Variants in ZNF444 observed in about 807,000 individuals in gnomAD.
ZNF444 encodes zinc finger protein 444.
Under a neutral mutation model 14.4 loss-of-function variants are expected in ZNF444, and 8 were observed. The ratio of observed to expected loss-of-function variants is 0.56; its 90% confidence interval spans 0.33 to 1.00. The LOEUF (loss-of-function observed/expected upper bound fraction) is 1.00, where lower values mean the gene tolerates loss of function less well. Among genes scored for constraint, ZNF444 ranks in the 50% least tolerant of loss-of-function variants. The pLI, the probability that ZNF444 is intolerant of heterozygous loss-of-function variation, is 0.03. For missense variants in ZNF444, 510 were observed against 504.8 expected (o/e 1.01, Z -0.10); for synonymous variants, 258 against 235.9 (o/e 1.09, Z -0.86).
rs560951997 is a variant in ZNF444, at chr19:56,144,464, C to G, written c.-196-1783C>G. On this transcript the variant is annotated intron_variant, in intron 1 of 4. Coordinates refer to ENST00000337080, the MANE Select transcript of ZNF444 (RefSeq NM_018337.4). This position sits in a 1 kb window ranked among gnomAD's most constrained non-coding sequence, Gnocchi z 4.0. The stretch of plus-strand genomic sequence containing the variant: ...CATCACAGGAAGCAGTTGGAGGGCA[C>G]TGAGCAAGGAAGTGACAGGGATTTA... Among the ~76,000 whole-genome samples the G allele has an allele frequency of 6.6e-6, 1 of 152,066 alleles. No individual in the cohort carries two copies. The highest frequency in any genetic ancestry group is 1.5e-5 in the Non-Finnish European group (1 of 68,020).
chr19:56,141,231 T>A (rs2030772307), upstream of ZNF444: 1 of 133,168 alleles, frequency 7.5e-6, no homozygotes, highest in Non-Finnish European at 1.6e-5. Flanking sequence ...CGGCTCGGAG[T>A]ATGGGATTGG....
chr19:56,158,864 C>T (rs1197807830), intron 4 of ZNF444, among the ~76,000 whole-genome samples: 1 of 151,922 alleles, frequency 6.6e-6, no homozygotes, highest in Non-Finnish European at 1.5e-5. Context: ...ATCATATACC[C>T]ACCCATTCAC....
Position 56,147,009 on chromosome 19 carries a change from GC to G in ZNF444, c.101del (p.Pro34ArgfsTer36). The G allele has an allele frequency of 6.9e-7, 1 of 1,458,604 alleles. No homozygotes were observed. Among genetic ancestry groups the G allele is most frequent in the Admixed American group, 2.9e-5 (1 of 35,064 alleles). 90.4% of individuals were successfully genotyped at this position (1,458,604 alleles called of 1,614,324 possible). ...CGCTTCCACCTGGGCGACGCGCCGG[GC>G]CCGCGGGAGGCGCTGGGGCTGCTCC... ...FRRFHLGDAP[G>X]PREALGLLRA... is the part of the protein sequence containing the mutation. On this transcript the variant is annotated frameshift_variant, in exon 3 of 5. Coordinates refer to ENST00000337080, the MANE Select transcript of ZNF444 (RefSeq NM_018337.4). LOFTEE classifies it high-confidence loss of function. This position sits in a 1 kb window ranked among gnomAD's most constrained non-coding sequence, Gnocchi z 5.9.
intron 3 of ZNF444, among the ~76,000 whole-genome samples, chr19:56,148,233 C>T (rs1431054151): frequency 6.6e-6 from 1 of 152,148 alleles, no homozygotes; most frequent in African/African-American, 2.4e-5. Flanking sequence ...ACGCAGAGAC[C>T]TCTGAGAAGA....
At position 56,152,050 on chromosome 19, in the gene ZNF444, G is replaced by A. The variant is rs138359944; in HGVS notation, c.297+4842G>A. ...CTGGAAACTTTTAAAAAATACTGTC[G>A]GCCGGGCATGGTGGCTCACGCCTGT... On this transcript the variant is annotated intron_variant, in intron 3 of 4. Transcript: ENST00000337080. 6.3e-3 allele frequency among the ~76,000 whole-genome samples: 958 copies of A among 152,138 alleles called. 13 individuals carry two copies. The highest frequency in any genetic ancestry group is 0.022 in the African/African-American group (902 of 41,474).
Position 56,147,493 on chromosome 19 carries a change from G to C in ZNF444, c.297+285G>C, listed in dbSNP as rs1171374201. On this transcript the variant is annotated intron_variant, in intron 3 of 4. Transcript: ENST00000337080. This position sits in a 1 kb window ranked among gnomAD's most constrained non-coding sequence, Gnocchi z 5.9. The stretch of plus-strand genomic sequence containing the variant: ...GTCACGGCTTATCAGAGAAGGACGT[G>C]CTGGAAGCAGCTGGGAAGAAGGCCA... Among the ~76,000 whole-genome samples the C allele has an allele frequency of 6.6e-6, 1 of 152,130 alleles. No individual in the cohort carries two copies. Among genetic ancestry groups the C allele is most frequent in the Non-Finnish European group, 1.5e-5 (1 of 68,024 alleles).
intron 1 of ZNF444, chr19:56,143,386 C>T (rs1481570795): frequency 6.6e-6 from 1 of 152,202 alleles, no homozygotes; most frequent in Non-Finnish European, 1.5e-5. Flanking sequence ...CTCCTTAGTC[C>T]CAGAGGGATC....
chr19:56,155,851 A>T (rs928370010), intron 3 of ZNF444: 16 of 152,196 alleles, frequency 1.1e-4, no homozygotes, highest in African/African-American at 3.6e-4. Flanking sequence ...CAGCAGACAC[A>T]AGCTGGGTGT....
In ZNF444 at chr19:56,145,446, C is replaced by T. The variant is rs1235133670; in HGVS notation, c.-196-801C>T. The stretch of plus-strand genomic sequence containing the variant: ...ACTAAAAATACAAAAATTATCCGGA[C>T]GTGGTAACGCACGTCTATAATCCCA... On this transcript the variant is annotated intron_variant, in intron 1 of 4. Coordinates refer to ENST00000337080, the MANE Select transcript of ZNF444 (RefSeq NM_018337.4). The surrounding 1 kb of genome is among the most constrained non-coding windows in gnomAD (Gnocchi z 4.3). Among the ~76,000 whole-genome samples, 16 of 152,026 alleles carry T rather than the reference C, an allele frequency of 1.1e-4. No homozygotes were observed.
upstream of ZNF444, among the ~76,000 whole-genome samples, chr19:56,136,688 C>T (rs1366640969): frequency 3.9e-5 from 6 of 152,216 alleles, no homozygotes; most frequent in African/African-American, 1.2e-4. Context: ...TAGGAGTGCG[C>T]CTTTGCATCC....
At chr19:56,153,276 GTTTATGACTTT>G (rs1337720516) in intron 3 of ZNF444, among the ~76,000 whole-genome samples, 1 of 152,140 alleles carries the variant, frequency 6.6e-6, no homozygotes, top group Non-Finnish European at 1.5e-5. Flanking sequence ...TGTCGAGTTT[GTTTATGACTTT>G]TTTATGGTAT....
intron 3 of ZNF444, chr19:56,155,940 ACCC>A (rs1795035728): frequency 6.6e-6 from 1 of 151,464 alleles, no homozygotes; most frequent in Non-Finnish European, 1.5e-5. Flanking sequence ...CCCAAGACTG[ACCC>A]CCCATTTCTG....
chr19:56,132,607 G>C (rs2123448463), exon 1 of ZNF444: 1 of 152,354 alleles, frequency 6.6e-6, no homozygotes, highest in South Asian at 2.1e-4. Context: ...GGGAAATGCA[G>C]CTTCAATCTC....
At chr19:56,157,375 AGAGT>A (rs2031974976) in intron 3 of ZNF444, 1 of 151,728 alleles carries the variant, frequency 6.6e-6, no homozygotes, top group South Asian at 2.1e-4. Context: ...CTTGTCTGTC[AGAGT>A]GAGGGCAGGT....
At chr19:56,139,617 C>T (rs1009519470), upstream of ZNF444, among the ~76,000 whole-genome samples, 7 of 151,094 alleles carry the variant, frequency 4.6e-5, no homozygotes, top group East Asian at 1.9e-4. Context: ...GACTGGGAGT[C>T]GGAGGTTGCA....
chr19:56,138,523 C>T (rs1443135502), upstream of ZNF444, among the ~76,000 whole-genome samples: 1 of 152,070 alleles, frequency 6.6e-6, no homozygotes, highest in African/African-American at 2.4e-5. Flanking sequence ...GTCTCAGCTA[C>T]TCGGGAGGCC....
chr19:56,145,196 C>G lies in ZNF444; in HGVS notation c.-196-1051C>G, dbSNP rs2123477574. Among the ~76,000 whole-genome samples the G allele has an allele frequency of 6.6e-6, 1 of 152,376 alleles. No homozygotes were observed. Among genetic ancestry groups the G allele is most frequent in the African/African-American group, 2.4e-5 (1 of 41,590 alleles). The stretch of plus-strand genomic sequence containing the variant: ...TCTGCCTTCAAAATTACTGAAGACC[C>G]TAACATGCTTTTATTGATGGGAGTC... On this transcript the variant is annotated intron_variant, in intron 1 of 4. Coordinates refer to ENST00000337080, the MANE Select transcript of ZNF444 (RefSeq NM_018337.4). The surrounding 1 kb of genome is among the most constrained non-coding windows in gnomAD (Gnocchi z 4.3).
intron 3 of ZNF444, chr19:56,150,294 A>G (rs567183736): frequency 2.1e-5 from 5 of 243,296 alleles, no homozygotes; most frequent in African/African-American, 4.5e-5. Context: ...ATATCTTGCA[A>G]AATAAAAAAA....
In ZNF444 at chr19:56,158,614, G is replaced by T; in HGVS notation, c.406+12G>T. The T allele has an allele frequency of 1.3e-6, 2 of 1,596,630 alleles. No homozygotes were observed. The highest frequency in any genetic ancestry group is 1.7e-6 in the Non-Finnish European group (2 of 1,171,206). On this transcript the variant is annotated intron_variant, in intron 4 of 4. Transcript: ENST00000337080. Reference sequence around the variant, plus strand: ...GATGATTCCCTTAGGTGAGCTGCTGGCCTCTCTGGTTCTCCCCGCCAGCCC... The same window carrying T: ...GATGATTCCCTTAGGTGAGCTGCTGTCCTCTCTGGTTCTCCCCGCCAGCCC...
Sources: gnomAD v4.1 joint callset for allele counts (sites outside exome capture counted in the v4.1 genomes callset) on GRCh38, gnomAD v4.1.1 for gene constraint, Gnocchi (gnomAD v3.1) non-coding constraint, MANE v1.5 for transcripts, NCBI Gene and HGNC (gene_info 2026-07-23, HGNC 2026-07-21) for gene names.